Variants in LINGO2 observed in about 807,000 individuals in gnomAD.
LINGO2 encodes the protein leucine-rich repeat and immunoglobulin-like domain-containing nogo receptor-interacting protein 2.
LINGO2 carries 14 observed loss-of-function variants against 30.6 expected under a neutral mutation model. The ratio of observed to expected loss-of-function variants is 0.46; its 90% CI spans 0.30 to 0.72. LINGO2 has a LOEUF of 0.72. Among genes scored for constraint, LINGO2 ranks in the 30% least tolerant of loss-of-function variants. The pLI is 0.07. For synonymous variants in LINGO2, 317 were observed against 288.5 expected (o/e 1.10, Z -1.00); for missense variants, 729 against 751.7 (o/e 0.97, Z 0.35).
chr9:28,882,949 A>G, the LINGO2 span, among the ~76,000 whole-genome samples: 1 of 152,206 alleles, frequency 6.6e-6, no homozygotes, highest in African/African-American at 2.4e-5. Context: ...GCTCCCTCTG[A>G]TACATTATTT....
chr9:28,565,014 C>T (rs1286842095), intron 1 of LINGO2, among the ~76,000 whole-genome samples: 1 of 152,036 alleles, frequency 6.6e-6, no homozygotes, highest in Non-Finnish European at 1.5e-5. Context: ...CTGTACACCC[C>T]TCCAAATTTA....
At chr9:28,305,499 T>C (rs1056267552) in intron 3 of LINGO2, among the ~76,000 whole-genome samples, 4 of 152,100 alleles carry the variant, frequency 2.6e-5, no homozygotes, top group Non-Finnish European at 4.4e-5. Context: ...AACTGATTAA[T>C]ATGTGGATTT....
the LINGO2 span, among the ~76,000 whole-genome samples, chr9:29,068,605 T>A: frequency 6.6e-6 from 1 of 151,886 alleles, no homozygotes; most frequent in African/African-American, 2.4e-5. Flanking sequence ...GTGCAAATAG[T>A]GCTGGTTAAT....
the LINGO2 span, among the ~76,000 whole-genome samples, chr9:28,947,180 TATATAG>T: frequency 1.6e-4 from 24 of 152,212 alleles, no homozygotes; most frequent in African/African-American, 5.3e-4. Flanking sequence ...TATCTACATC[TATATAG>T]ATATAGATAT....
intron 1 of LINGO2, among the ~76,000 whole-genome samples, chr9:28,492,585 G>A (rs1446672662): frequency 1.3e-5 from 2 of 152,048 alleles, no homozygotes; most frequent in Non-Finnish European, 2.9e-5. Context: ...ATCATTCTGG[G>A]TCTTTTCCAA....
At chr9:28,960,685 G>C in the LINGO2 span, among the ~76,000 whole-genome samples, 1 of 147,578 alleles carries the variant, frequency 6.8e-6, no homozygotes, top group South Asian at 2.2e-4. Context: ...ATTTATATGT[G>C]GGAAAATTAT....
chr9:28,339,120 T>C (rs567739011), intron 3 of LINGO2, among the ~76,000 whole-genome samples: 1 of 152,284 alleles, frequency 6.6e-6, no homozygotes, highest in East Asian at 1.9e-4. Context: ...TCTTCAGTCA[T>C]AACAAAATGT....
chr9:28,884,272 A>T, the LINGO2 span, among the ~76,000 whole-genome samples: 5 of 152,046 alleles, frequency 3.3e-5, no homozygotes, highest in African/African-American at 1.2e-4. Flanking sequence ...TGTGTCTGGC[A>T]TATATAATCC....
intron 2 of LINGO2, among the ~76,000 whole-genome samples, chr9:28,400,189 CT>C (rs1235540414): frequency 1.3e-5 from 2 of 152,074 alleles, no homozygotes; most frequent in African/African-American, 4.8e-5. Flanking sequence ...GCACTATAGC[CT>C]ATTTTGTGAA....
chr9:28,784,827 C>T, the LINGO2 span, among the ~76,000 whole-genome samples: 1 of 151,896 alleles, frequency 6.6e-6, no homozygotes, highest in Non-Finnish European at 1.5e-5. Flanking sequence ...TGGCGTGCAC[C>T]TGTAATCCTA....
At chr9:28,892,264 T>A in the LINGO2 span, among the ~76,000 whole-genome samples, 1 of 151,986 alleles carries the variant, frequency 6.6e-6, no homozygotes, top group African/African-American at 2.4e-5. Context: ...AGTTTGAGAT[T>A]TGCTTAGGCT....
chr9:28,673,736 T>C (rs1014610886), upstream of LINGO2, among the ~76,000 whole-genome samples: 7 of 151,686 alleles, frequency 4.6e-5, no homozygotes, highest in Non-Finnish European at 8.8e-5. Context: ...AAGAAAAATA[T>C]GAAAAATCAG....
rs1451561300 is a variant in LINGO2, at chr9:27,952,604, G to T, written c.-35-1898C>A. Among the ~76,000 whole-genome samples the T allele has an allele frequency of 6.6e-5, 10 of 152,004 alleles. No homozygotes were observed. In the East Asian group the frequency reaches 1.9e-3, roughly 29 times the overall value. ...ACACAAAAATAAAGTCAAGAAAACA[G>T]AAAGTAAGGAATTATATCTAAATAT... On this transcript the variant is annotated intron_variant, in intron 5 of 5. Transcript: ENST00000379992.
chr9:28,103,000 A>C (rs1826463581), intron 4 of LINGO2, among the ~76,000 whole-genome samples: 1 of 152,150 alleles, frequency 6.6e-6, no homozygotes, highest in African/African-American at 2.4e-5. Flanking sequence ...TCCACAGTGA[A>C]TTCAAAATTT....
intron 5 of LINGO2, among the ~76,000 whole-genome samples, chr9:27,988,746 G>C (rs7023333): frequency 0.44 from 66,057 of 151,310 alleles, 15,218 homozygotes; most frequent in African/African-American, 0.59. Flanking sequence ...ATCTGACCTC[G>C]CCCACAGACT....
intron 1 of LINGO2, among the ~76,000 whole-genome samples, chr9:28,479,071 A>C (rs1336292828): frequency 3.3e-5 from 5 of 151,992 alleles, no homozygotes; most frequent in African/African-American, 1.2e-4. Flanking sequence ...GATGAAATTA[A>C]AGTTAAAAGT....
intron 2 of LINGO2, among the ~76,000 whole-genome samples, chr9:28,425,582 G>A (rs1043689333): frequency 3.3e-5 from 5 of 151,910 alleles, no homozygotes; most frequent in Non-Finnish European, 5.9e-5. Context: ...CCTGTCTTGC[G>A]ACTGTGTTGA....
the LINGO2 span, among the ~76,000 whole-genome samples, chr9:28,743,690 TGGGATGAGTA>T: frequency 2.0e-5 from 3 of 151,972 alleles, no homozygotes; most frequent in Non-Finnish European, 4.4e-5. Context: ...CTGCCCTCTA[TGGGATGAGTA>T]GTTTTTTTGT....
chr9:29,113,694 G>T, the LINGO2 span, among the ~76,000 whole-genome samples: 1 of 152,154 alleles, frequency 6.6e-6, no homozygotes, highest in Non-Finnish European at 1.5e-5. Flanking sequence ...ACAGGATCAA[G>T]ATCTTGAAGC....
Sources: allele counts gnomAD v4.1 joint callset (sites outside exome capture counted in the v4.1 genomes callset), GRCh38; gene constraint gnomAD v4.1.1; transcripts MANE v1.5; gene names NCBI Gene and HGNC (gene_info 2026-07-23, HGNC 2026-07-21).